Variants in TMEM128 observed in about 807,000 individuals in gnomAD.
TMEM128 encodes transmembrane protein 128.
In TMEM128, 16 loss-of-function variants were observed where a neutral mutation model predicts 19.7. The observed-to-expected ratio is 0.81, with a 90% CI of 0.55 to 1.23. The LOEUF (loss-of-function observed/expected upper bound fraction) is 1.23, where lower values mean the gene tolerates loss of function less well. TMEM128 is among the 50% of genes most tolerant of loss of function. The pLI is 0.00. For synonymous variants in TMEM128, 98 were observed against 75.8 expected, an observed-to-expected ratio of 1.29 and a Z score of -1.52; for missense variants, 237 against 200.8, an observed-to-expected ratio of 1.18 and a Z score of -1.09.
intron 1 of TMEM128, chr4:4,247,480 G>C: frequency 3.8e-6 from 5 of 1,320,066 alleles, no homozygotes; most frequent in Non-Finnish European, 5.3e-6. Flanking sequence ...TATCCAAAAT[G>C]AAGTATCTGT....
At chr4:4,242,934 C>A (rs933294421) in intron 2 of TMEM128, among the ~76,000 whole-genome samples, 1 of 152,152 alleles carries the variant, frequency 6.6e-6, no homozygotes, top group Non-Finnish European at 1.5e-5. Flanking sequence ...ACCTAGTCCC[C>A]AGTTTCCAAA....
In TMEM128 at chr4:4,239,043, G is replaced by GA. The variant is rs954213496; in HGVS notation, c.399-1109dup. 1.5e-4 allele frequency among the ~76,000 whole-genome samples: 22 copies of GA among 150,172 alleles called. No individual in the cohort carries two copies. In the East Asian group the frequency reaches 2.5e-3, roughly 17 times the overall value. The stretch of plus-strand genomic sequence containing the variant: ...CACAGTGAGACCCTATCTCCAAAAA[G>GA]AAAAAAAAATCCAATTGATATAAAG... On this transcript the variant is annotated intron_variant, in intron 3 of 4. Coordinates refer to ENST00000382753, the MANE Select transcript of TMEM128 (RefSeq NM_001297551.2).
In TMEM128 at chr4:4,248,209, A is replaced by T; in HGVS notation, c.-7T>A. On this transcript the variant is annotated 5_prime_UTR_variant, in exon 1 of 5. Transcript: ENST00000382753. ...GGGCCCGCGAGGAGTCCATCTTGGT[A>T]CCGCCCCGAAATGCGACGGAAGTGA... is the stretch of plus-strand genomic sequence containing the variant. 1 of 1,498,846 alleles carries T rather than the reference A, an allele frequency of 6.7e-7. No homozygotes were observed. Among genetic ancestry groups the T allele is most frequent in the East Asian group, 2.6e-5 (1 of 38,866 alleles). The allele number at this position is 1,498,846 out of a possible 1,614,324, so 92.8% of individuals were successfully genotyped here.
chr4:4,240,654 G>A (rs2108816844), intron 2 of TMEM128, among the ~76,000 whole-genome samples, 175 bp from the exon 3 acceptor site: 1 of 152,296 alleles, frequency 6.6e-6, no homozygotes, highest in Non-Finnish European at 1.5e-5. Context: ...AGATGGGGGT[G>A]AGAAAAAGAG....
intron 4 of TMEM128, among the ~76,000 whole-genome samples, chr4:4,237,343 G>A (rs1166489423): frequency 3.3e-5 from 5 of 152,140 alleles, no homozygotes; most frequent in African/African-American, 1.2e-4. Context: ...TACAAATCCT[G>A]TCTTTATGAG....
At chr4:4,236,601 G>T (rs1258127399) in intron 4 of TMEM128, among the ~76,000 whole-genome samples, 3 of 152,218 alleles carry the variant, frequency 2.0e-5, no homozygotes, top group African/African-American at 7.2e-5. Flanking sequence ...GTACAGGAAT[G>T]AAGGGCCTCC....
intron 3 of TMEM128, among the ~76,000 whole-genome samples, chr4:4,238,798 C>G (rs1463224532): frequency 1.3e-5 from 2 of 152,064 alleles, no homozygotes; most frequent in East Asian, 3.9e-4. Flanking sequence ...TTTGGGAGGC[C>G]AACACAAGCA....
chr4:4,237,973 T>C (rs1717794875), intron 3 of TMEM128, 38 bp from the exon 4 acceptor site: 2 of 1,246,278 alleles, frequency 1.6e-6, no homozygotes, highest in Non-Finnish European at 2.2e-6. Context: ...ACAACTCCAA[T>C]ATGCATCAAT....
intron 2 of TMEM128, among the ~76,000 whole-genome samples, chr4:4,243,221 A>G (rs1171860562): frequency 6.6e-6 from 1 of 152,126 alleles, no homozygotes; most frequent in East Asian, 1.9e-4. Flanking sequence ...CTGGGACTAC[A>G]GGCGCCCGCC....
At chr4:4,247,615 A>G (rs1294263566) in intron 1 of TMEM128, 2 of 1,614,164 alleles carry the variant, frequency 1.2e-6, no homozygotes, top group Non-Finnish European at 1.7e-6. Context: ...TTTGTACCCA[A>G]ATGGCGGCAT....
chr4:4,248,010 C>T, intron 1 of TMEM128, 96 bp downstream of exon 1: 2 of 1,487,276 alleles, frequency 1.3e-6, no homozygotes, highest in East Asian at 5.1e-5. Flanking sequence ...AAAGCCGAAA[C>T]TCAGTCCTTC....
At chr4:4,239,893 T>C (rs1365948998) in intron 3 of TMEM128, among the ~76,000 whole-genome samples, 2 of 152,184 alleles carry the variant, frequency 1.3e-5, no homozygotes, top group African/African-American at 4.8e-5. Flanking sequence ...GTAGTTACCA[T>C]GAAGGTCAGG....
intron 2 of TMEM128, among the ~76,000 whole-genome samples, chr4:4,242,289 T>C (rs1289286522): frequency 2.1e-5 from 3 of 140,038 alleles, no homozygotes; most frequent in African/African-American, 7.5e-5. Context: ...TGCTAGAGCA[T>C]GCAATCTCAC....
chr4:4,246,659 A>C lies in TMEM128; in HGVS notation c.98-316T>G, dbSNP rs201235476. 1.8e-3 allele frequency among the ~76,000 whole-genome samples: 278 copies of C among 152,358 alleles called. 3 individuals are homozygous for C. Among genetic ancestry groups the C allele is most frequent in the East Asian group, 2.9e-3 (15 of 5,188 alleles). ...ATTATGTTTCACATTTCTTCTAGGA[A>C]AGTAATTAGTCTTGTTAATTAGGAA... On this transcript the variant is annotated intron_variant, in intron 1 of 4. Coordinates refer to ENST00000382753, the MANE Select transcript of TMEM128 (RefSeq NM_001297551.2).
At chr4:4,241,472 T>C (rs775125646) in intron 2 of TMEM128, among the ~76,000 whole-genome samples, 15 of 152,060 alleles carry the variant, frequency 9.9e-5, no homozygotes, top group Non-Finnish European at 1.3e-4. Context: ...CCCAACTCAA[T>C]CCAATATCCC....
intron 2 of TMEM128, among the ~76,000 whole-genome samples, chr4:4,244,608 GGTGA>G (rs541963294): frequency 4.1e-4 from 62 of 152,276 alleles, no homozygotes; most frequent in African/African-American, 1.4e-3. Flanking sequence ...ATATGGCTTT[GGTGA>G]GTGATGACAA....
intron 1 of TMEM128, 171 bp downstream of exon 1, chr4:4,247,935 G>GA (rs1207557574): frequency 7.0e-7 from 1 of 1,430,370 alleles, no homozygotes; most frequent in Non-Finnish European, 9.1e-7. Context: ...AAGCGCAGCT[G>GA]AAATGACGAT....
chr4:4,237,027 T>G, intron 4 of TMEM128: 1 of 449,760 alleles, frequency 2.2e-6, no homozygotes, highest in Non-Finnish European at 4.4e-6. Context: ...TATCCGACAC[T>G]CAGAAAACAG....
intron 2 of TMEM128, among the ~76,000 whole-genome samples, chr4:4,242,761 C>T (rs1232729496): frequency 6.6e-6 from 1 of 152,082 alleles, no homozygotes; most frequent in African/African-American, 2.4e-5. Flanking sequence ...TCAGGTGATC[C>T]ATCCACCTTG....
Sources: gnomAD v4.1 joint callset for allele counts (sites outside exome capture counted in the v4.1 genomes callset) on GRCh38, gnomAD v4.1.1 for gene constraint, MANE v1.5 for transcripts, NCBI Gene and HGNC (gene_info 2026-07-23, HGNC 2026-07-21) for gene names.